The following GRB14 variants were observed in gnomAD, a reference collection of about 807,000 sequenced individuals.
GRB14 encodes growth factor receptor-bound protein 14.
Under a neutral mutation model 69.1 loss-of-function variants are expected in GRB14, and 38 were observed. That is an observed-to-expected ratio of 0.55 (90% CI 0.42 to 0.72). The LOEUF (loss-of-function observed/expected upper bound fraction) is 0.72. GRB14 is among the 30% of genes least tolerant of loss of function. The probability of loss-of-function intolerance (pLI) is 0.00; values close to 1 mark genes in which losing one functional copy is unlikely to be tolerated. For missense variants in GRB14, 666 were observed against 666.1 expected, an observed-to-expected ratio of 1.00 and a Z score of 0.00; for synonymous variants, 247 against 241.3, an observed-to-expected ratio of 1.02 and a Z score of -0.22.
intron 2 of GRB14, among the ~76,000 whole-genome samples, chr2:164,555,814 CT>C (rs1384879235): frequency 1.3e-5 from 2 of 151,558 alleles, no homozygotes; most frequent in Non-Finnish European, 2.9e-5. Flanking sequence ...CAGGAATTTG[CT>C]CTGAACTGTG....
chr2:164,617,555 C>CT (rs1373867264), intron 2 of GRB14, among the ~76,000 whole-genome samples: 1 of 152,102 alleles, frequency 6.6e-6, no homozygotes. Flanking sequence ...TTTACCCATT[C>CT]TTTCTCTTTT....
chr2:164,594,864 T>C (rs1689747511), intron 2 of GRB14, among the ~76,000 whole-genome samples: 1 of 152,204 alleles, frequency 6.6e-6, no homozygotes, highest in Non-Finnish European at 1.5e-5. Context: ...AAGAAAAGTG[T>C]ATCCCTGTAG....
intron 2 of GRB14, among the ~76,000 whole-genome samples, chr2:164,566,299 A>C (rs1170623391): frequency 2.0e-5 from 3 of 152,150 alleles, no homozygotes; most frequent in African/African-American, 4.8e-5. Context: ...AAAATACCCA[A>C]CTCCTAAAAT....
At chr2:164,518,450 C>G (rs1687550472) in intron 6 of GRB14, among the ~76,000 whole-genome samples, 1 of 151,990 alleles carries the variant, frequency 6.6e-6, no homozygotes, top group Non-Finnish European at 1.5e-5. Flanking sequence ...TAAGGTCATA[C>G]CTCAAGGAAC....
chr2:164,579,636 CAT>C (rs1689346310), intron 2 of GRB14, among the ~76,000 whole-genome samples: 1 of 152,082 alleles, frequency 6.6e-6, no homozygotes, highest in Non-Finnish European at 1.5e-5. Context: ...CCCACATAGA[CAT>C]ACAGAGAAAG....
At chr2:164,521,854 A>G (rs570887094) in intron 6 of GRB14, 126 bp downstream of exon 6, 1 of 820,412 alleles carries the variant, frequency 1.2e-6, no homozygotes, top group South Asian at 1.7e-5. Flanking sequence ...CAAACGTTTT[A>G]AATCAAGAAA....
At chr2:164,507,002 T>C (rs1414283507) in intron 8 of GRB14, among the ~76,000 whole-genome samples, 30 of 152,198 alleles carry the variant, frequency 2.0e-4, no homozygotes, top group Admixed American at 2.0e-3. Context: ...AGTTTGCTTT[T>C]GAGGTGATTA....
intron 5 of GRB14, 31 bp from the exon 6 acceptor site, chr2:164,522,148 T>C (rs1687650791): frequency 7.6e-7 from 1 of 1,314,608 alleles, no homozygotes; most frequent in South Asian, 1.3e-5. Context: ...TTTCAAACTA[T>C]GATTAAATCA....
At chr2:164,540,254 C>A (rs565027751) in intron 3 of GRB14, among the ~76,000 whole-genome samples, 1 of 152,202 alleles carries the variant, frequency 6.6e-6, no homozygotes, top group Non-Finnish European at 1.5e-5. Flanking sequence ...CTGCCTGCTA[C>A]GTGCTTCATT....
chr2:164,507,534 C>T (rs1687223351), intron 8 of GRB14, among the ~76,000 whole-genome samples: 1 of 152,052 alleles, frequency 6.6e-6, no homozygotes, highest in Non-Finnish European at 1.5e-5. Flanking sequence ...ATATTAGTGC[C>T]TAGGCATAAA....
intron 2 of GRB14, among the ~76,000 whole-genome samples, chr2:164,618,107 CA>C (rs1173370851): frequency 1.3e-5 from 2 of 152,030 alleles, no homozygotes; most frequent in African/African-American, 4.8e-5. Context: ...GCTGGGACTA[CA>C]GGTGCAGGCC....
rs1048846532 is a variant in GRB14, at chr2:164,516,972, G to A, written c.816+5008C>T. 3.9e-5 allele frequency among the ~76,000 whole-genome samples: 6 copies of A among 152,230 alleles called. No homozygotes were observed. The East Asian group carries it at 9.7e-4, about 25-fold the overall frequency. ...CCAGGAGGTGGAGGTTGCATGAGCC[G>A]AGATGGTGCCCCTGCAATCCAGCCT... On this transcript the variant is annotated intron_variant, in intron 6 of 13. Transcript: ENST00000263915.
At chr2:164,606,106 T>A (rs927660553) in intron 2 of GRB14, among the ~76,000 whole-genome samples, 5 of 152,286 alleles carry the variant, frequency 3.3e-5, no homozygotes, top group Admixed American at 2.0e-4. Flanking sequence ...TTCCCATATT[T>A]TCAATTAAAG....
chr2:164,509,435 A>G (rs1308831843), intron 6 of GRB14, among the ~76,000 whole-genome samples: 1 of 152,198 alleles, frequency 6.6e-6, no homozygotes, highest in Non-Finnish European at 1.5e-5. Flanking sequence ...CTGGCAGAGG[A>G]ATGTTTCTGA....
In GRB14 at chr2:164,569,398, T is replaced by C. The variant is rs1389226537; in HGVS notation, c.325-21582A>G. ...AAGGATTGCAACGTTAAAACTAATCTGAGCTTTTACAATTGTAAAATCTCT... is the reference window on the plus strand; with the variant it reads ...AAGGATTGCAACGTTAAAACTAATCCGAGCTTTTACAATTGTAAAATCTCT... On this transcript the variant is annotated intron_variant, in intron 2 of 13. Transcript: ENST00000263915. 3.9e-5 allele frequency among the ~76,000 whole-genome samples: 6 copies of C among 152,332 alleles called. No homozygotes were observed. The East Asian group carries it at 9.6e-4, about 24-fold the overall frequency.
chr2:164,621,250 C>G lies in GRB14; in HGVS notation c.60G>C (p.Ser20=), dbSNP rs374806267. ...SAASRAAARD[S]PLAAQVCGAA... ...CGCCACACACCTGGGCGGCCAGCGG[C>G]GAATCCCGGGCAGCCGCCCTGCTCG... The change falls in exon 1 of 14, where the codon TCG becomes TCC. Residue 20 remains serine (S), a synonymous_variant. Coordinates refer to ENST00000263915, the MANE Select transcript of GRB14 (RefSeq NM_004490.3). This position sits in a 1 kb window ranked among gnomAD's most constrained non-coding sequence, Gnocchi z 6.0. 1.6e-6 allele frequency: 2 copies of G among 1,277,102 alleles called. No individual in the cohort carries two copies. The highest frequency in any genetic ancestry group is 3.0e-5 in the African/African-American group (2 of 65,908). The allele number at this position is 1,277,102 out of a possible 1,614,324, so 79.1% of individuals were successfully genotyped here.
intron 2 of GRB14, among the ~76,000 whole-genome samples, chr2:164,592,862 T>C (rs1689700200): frequency 6.6e-6 from 1 of 152,206 alleles, no homozygotes; most frequent in South Asian, 2.1e-4. Context: ...TTGCTCTGCT[T>C]TTCTCAAAGC....
At chr2:164,551,576 A>G (rs953497418) in intron 2 of GRB14, among the ~76,000 whole-genome samples, 2 of 152,158 alleles carry the variant, frequency 1.3e-5, no homozygotes, top group Non-Finnish European at 2.9e-5. Context: ...CAAACCAAAT[A>G]AGACAAACAC....
chr2:164,599,095 A>G (rs1367138793), intron 2 of GRB14, among the ~76,000 whole-genome samples: 1 of 152,166 alleles, frequency 6.6e-6, no homozygotes, highest in African/African-American at 2.4e-5. Flanking sequence ...TTGCTTTACC[A>G]TCGTGTCTAA....
Sources: gnomAD v4.1 joint callset for allele counts (sites outside exome capture counted in the v4.1 genomes callset) on GRCh38, gnomAD v4.1.1 for gene constraint, Gnocchi (gnomAD v3.1) non-coding constraint, MANE v1.5 for transcripts, NCBI Gene and HGNC (gene_info 2026-07-23, HGNC 2026-07-21) for gene names.